The following PRKX variants were observed in gnomAD, a reference collection of about 807,000 sequenced individuals.
PRKX encodes the protein cAMP-dependent protein kinase catalytic subunit PRKX.
A neutral mutation model predicts 22.0 loss-of-function variants in PRKX; 12 were observed. The ratio of observed to expected loss-of-function variants is 0.54; its 90% CI spans 0.35 to 0.88. The LOEUF (loss-of-function observed/expected upper bound fraction) is 0.88, where lower values mean the gene tolerates loss of function less well. PRKX is among the 40% of genes least tolerant of loss of function. The pLI, the probability that PRKX is intolerant of heterozygous loss-of-function variation, is 0.01. For synonymous variants in PRKX, 134 were observed against 137.7 expected (o/e 0.97, Z 0.19); for missense variants, 217 against 308.0 (o/e 0.70, Z 2.21).
At chrX:3,700,205 C>T (rs1484879383) in intron 1 of PRKX, among the ~76,000 whole-genome samples, 1 of 111,718 alleles carries the variant, frequency 9.0e-6, no homozygotes, top group Non-Finnish European at 1.9e-5. Context: ...AGCCAAAGCA[C>T]CAGCTCAGAA....
intron 6 of PRKX, among the ~76,000 whole-genome samples, chrX:3,617,080 A>C (rs1323555168): frequency 9.0e-6 from 1 of 110,689 alleles, no homozygotes; most frequent in East Asian, 2.8e-4. Flanking sequence ...AGACATACAC[A>C]CGTTAATATA....
rs35951668 is a variant in PRKX, at chrX:3,666,911, T to TAAAAA, written c.335+7682_335+7686dup. The stretch of plus-strand genomic sequence containing the variant: ...CAACAGAGCAAGACCTCATTTCTTT[T>TAAAAA]AAAAAAAAAAAAAAAAAAAAAGGAA... On this transcript the variant is annotated intron_variant, in intron 2 of 8. Transcript: ENST00000262848. Among the ~76,000 whole-genome samples, 114 of 65,728 alleles carry TAAAAA rather than the reference T, an allele frequency of 1.7e-3. 3 individuals are homozygous for TAAAAA. Among genetic ancestry groups the TAAAAA allele is most frequent in the African/African-American group, 2.9e-3 (49 of 16,881 alleles). 57.1% of individuals were successfully genotyped at this position (65,728 alleles called of 115,157 possible). A position where few individuals can be genotyped will look rare whatever the true frequency, so the allele number is the denominator to read the frequency against.
chrX:3,651,816 C>T (rs1927339678), intron 3 of PRKX, among the ~76,000 whole-genome samples: 1 of 111,474 alleles, frequency 9.0e-6, no homozygotes. Flanking sequence ...AGACAGAAGC[C>T]GATAGCCATG....
rs745485596 is a variant in PRKX, at chrX:3,605,012, G to GACACACACACACACACACAC, written c.*3937_*3956dup. 4.7e-5 allele frequency: 4 copies of GACACACACACACACACACAC among 84,556 alleles called. No homozygotes were observed. The highest frequency in any genetic ancestry group is 1.8e-4 in the African/African-American group (4 of 22,509). 7.0% of individuals were successfully genotyped at this position (84,556 alleles called of 1,213,427 possible). On this transcript the variant is annotated 3_prime_UTR_variant, in exon 9 of 9. Coordinates refer to ENST00000262848, the MANE Select transcript of PRKX (RefSeq NM_005044.5). ...AAATACAGCCCCTCACCTTCACCAA[G>GACACACACACACACACACAC]ACACACACACACACACACACACACA...
chrX:3,651,870 G>A (rs753785035), intron 3 of PRKX, among the ~76,000 whole-genome samples: 2 of 111,957 alleles, frequency 1.8e-5, no homozygotes, highest in Admixed American at 9.5e-5. Context: ...ACCAAGGAAC[G>A]GATGTCATTA....
chrX:3,621,336 A>C lies in PRKX; in HGVS notation c.816-20T>G. 3.7e-6 allele frequency: 1 copy of C among 269,310 alleles called. No homozygotes were observed. The highest frequency in any genetic ancestry group is 5.5e-6 in the Non-Finnish European group (1 of 182,307). 22.2% of individuals were successfully genotyped at this position (269,310 alleles called of 1,213,427 possible). On this transcript the variant is annotated intron_variant, in intron 5 of 8. Coordinates refer to ENST00000262848, the MANE Select transcript of PRKX (RefSeq NM_005044.5). Reference sequence around the variant, plus strand: ...AGGTCTCTATGTTGGGGAAGGAGACAAAAAAAAAAAAAGTACACAGATTAT... The same window carrying C: ...AGGTCTCTATGTTGGGGAAGGAGACCAAAAAAAAAAAAGTACACAGATTAT...
At chrX:3,678,097 T>C (rs1487139298) in intron 1 of PRKX, among the ~76,000 whole-genome samples, 4 of 111,714 alleles carry the variant, frequency 3.6e-5, no homozygotes, top group Middle Eastern at 9.3e-3. Flanking sequence ...GATGTTTCAA[T>C]TGGATAAAAC....
intron 4 of PRKX, among the ~76,000 whole-genome samples, chrX:3,640,211 G>C (rs1927046502): frequency 9.2e-6 from 1 of 109,278 alleles, no homozygotes; most frequent in Admixed American, 9.9e-5. Flanking sequence ...GAGAACCTAG[G>C]AGGCAGAGTG....
intron 1 of PRKX, among the ~76,000 whole-genome samples, chrX:3,679,942 G>C (rs1166240337): frequency 9.0e-6 from 1 of 111,547 alleles, no homozygotes; most frequent in Non-Finnish European, 1.9e-5. Context: ...GTGCAATTCT[G>C]ATCTGTAAAC....
chrX:3,659,717 G>GTTTTTTTTTT, intron 2 of PRKX, among the ~76,000 whole-genome samples: 7 of 28,038 alleles, frequency 2.5e-4, no homozygotes, highest in African/African-American at 1.3e-3. Context: ...TGTTTTTTTT[G>GTTTTTTTTTT]TTTTTTTTTT....
At chrX:3,675,666 T>C (rs1039144826) in intron 1 of PRKX, among the ~76,000 whole-genome samples, 1 of 75,911 alleles carries the variant, frequency 1.3e-5, no homozygotes, top group Non-Finnish European at 2.9e-5. Context: ...TAAACAAGCT[T>C]TGCTTGTTCC....
At chrX:3,640,118 C>CA (rs2146573224) in intron 4 of PRKX, among the ~76,000 whole-genome samples, 1 of 109,747 alleles carries the variant, frequency 9.1e-6, no homozygotes, top group African/African-American at 3.3e-5. Context: ...GCTTTTGCGA[C>CA]AATGGAGGCC....
intron 1 of PRKX, among the ~76,000 whole-genome samples, chrX:3,682,379 G>A (rs1928091907): frequency 9.1e-6 from 1 of 110,360 alleles, no homozygotes; most frequent in Non-Finnish European, 1.9e-5. Flanking sequence ...CCTAATCCTT[G>A]GTACCTGTGA....
intron 1 of PRKX, among the ~76,000 whole-genome samples, chrX:3,680,659 A>T (rs1928053742): frequency 8.9e-6 from 1 of 112,187 alleles, no homozygotes; most frequent in Non-Finnish European, 1.9e-5. Flanking sequence ...TGTTTAGACA[A>T]CTCAGCAGAA....
intron 2 of PRKX, among the ~76,000 whole-genome samples, chrX:3,668,816 G>A (rs780657419): frequency 4.4e-5 from 5 of 112,527 alleles, no homozygotes; most frequent in Non-Finnish European, 9.4e-5. Context: ...GCAGGCTCAG[G>A]GGCTGGGGCA....
At chrX:3,661,271 AAAG>A (rs1927588948) in intron 2 of PRKX, among the ~76,000 whole-genome samples, 1 of 111,478 alleles carries the variant, frequency 9.0e-6, no homozygotes, top group Admixed American at 9.6e-5. Flanking sequence ...TTATAAGAAA[AAAG>A]AAGTTCTCTG....
At chrX:3,661,756 G>A (rs1369466439) in intron 2 of PRKX, among the ~76,000 whole-genome samples, 3 of 112,014 alleles carry the variant, frequency 2.7e-5, no homozygotes, top group African/African-American at 3.2e-5. Flanking sequence ...GGGATAGGAC[G>A]AGTTTAGTGA....
chrX:3,648,974 AAAAC>A (rs1466225654), intron 3 of PRKX, among the ~76,000 whole-genome samples: 97 of 111,490 alleles, frequency 8.7e-4, no homozygotes, highest in African/African-American at 3.1e-3. Flanking sequence ...AAAAACACCA[AAAAC>A]AAACAAAAAA....
rs528688936 is a variant in PRKX, at chrX:3,613,150, C to CAAAAAAAA, written c.952-833_952-826dup. 6.8e-4 allele frequency among the ~76,000 whole-genome samples: 37 copies of CAAAAAAAA among 54,324 alleles called. 5 individuals carry two copies. The highest frequency in any genetic ancestry group is 9.3e-4 in the Admixed American group (3 of 3,220). The allele number at this position is 54,324 out of a possible 115,157, so 47.2% of individuals were successfully genotyped here. A position where few individuals can be genotyped will look rare whatever the true frequency, so the allele number is the denominator to read the frequency against. ...TGGGCAACGGAGCAAGACTTCGTCT[C>CAAAAAAAA]AAAAAAAAAAAAAAAAAAAAAAAAA... is the stretch of plus-strand genomic sequence containing the variant. On this transcript the variant is annotated intron_variant, in intron 7 of 8. Transcript: ENST00000262848.
Sources: allele counts gnomAD v4.1 joint callset (sites outside exome capture counted in the v4.1 genomes callset), GRCh38; gene constraint gnomAD v4.1.1; transcripts MANE v1.5; gene names NCBI Gene and HGNC (gene_info 2026-07-23, HGNC 2026-07-21).